The following LRBA variants were observed in gnomAD, a reference collection of about 807,000 sequenced individuals.
LRBA encodes LPS responsive beige-like anchor protein.
Under a neutral mutation model 330.0 loss-of-function variants are expected in LRBA, and 176 were observed. The observed-to-expected ratio is 0.53, with a 90% CI of 0.47 to 0.60. The LOEUF is 0.60. Among genes scored for constraint, LRBA ranks in the 20% least tolerant of loss-of-function variants. LRBA has a pLI of 0.00. For synonymous variants in LRBA, 1,230 were observed against 1,193.0 expected, an observed-to-expected ratio of 1.03 and a Z score of -0.64; for missense variants, 3,259 against 3,444.8, an observed-to-expected ratio of 0.95 and a Z score of 1.35.
intron 2 of LRBA, among the ~76,000 whole-genome samples, chr4:150,950,529 T>C (rs1295638560): frequency 6.6e-6 from 1 of 151,874 alleles, no homozygotes; most frequent in Non-Finnish European, 1.5e-5. Flanking sequence ...AACACCAAAA[T>C]TTAGGGTACA....
rs1734165953 is a variant in LRBA, at chr4:150,928,937, T to G, written c.345A>C (p.Thr115=). 5.6e-6 allele frequency: 9 copies of G among 1,613,982 alleles called. No homozygotes were observed. Among genetic ancestry groups the G allele is most frequent in the Non-Finnish European group, 7.6e-6 (9 of 1,180,002 alleles). ...TCQAEVWSMF[T]AILKKSIRNL... is the part of the protein sequence containing the mutation. ...TCCGTATGCTTTTCTTCAGAATGGC[T>G]GTAAACATGCTCCAGACTTCTGCTT... Residue 115 remains threonine (T), a synonymous_variant, in exon 3 of 57, where the codon ACA becomes ACC. Transcript: ENST00000651943.
intron 37 of LRBA, among the ~76,000 whole-genome samples, chr4:150,640,098 C>T (rs1365881375): frequency 6.6e-6 from 1 of 151,482 alleles, no homozygotes; most frequent in African/African-American, 2.4e-5. Flanking sequence ...CCTAGGCAAT[C>T]GACCCGCCTT....
chr4:150,394,935 A>T (rs969616774), intron 47 of LRBA, among the ~76,000 whole-genome samples: 12 of 152,300 alleles, frequency 7.9e-5, no homozygotes, highest in African/African-American at 2.9e-4. Flanking sequence ...GCAGGAGCAT[A>T]ACACAATTGT....
chr4:150,923,956 T>G lies in LRBA; in HGVS notation c.550-2663A>C, dbSNP rs369505230. On this transcript the variant is annotated intron_variant, in intron 4 of 56. Coordinates refer to ENST00000651943, the MANE Select transcript of LRBA (RefSeq NM_001364905.1). Reference sequence around the variant, plus strand: ...ACAAGAAATTTTCAATTAACCATACTGCTCAATTGTAAAAGCATAATAACA... The same window carrying G: ...ACAAGAAATTTTCAATTAACCATACGGCTCAATTGTAAAAGCATAATAACA... 2.6e-5 allele frequency among the ~76,000 whole-genome samples: 4 copies of G among 152,212 alleles called. 1 individual carries two copies. The highest frequency in any genetic ancestry group is 3.8e-4 in the East Asian group (2 of 5,200).
chr4:150,419,630 T>C (rs2151959798), intron 46 of LRBA, among the ~76,000 whole-genome samples: 1 of 138,644 alleles, frequency 7.2e-6, no homozygotes, highest in African/African-American at 2.6e-5. Context: ...TCACTGATAA[T>C]ATCTTTTTTT....
chr4:150,632,434 C>T (rs1259052856), intron 37 of LRBA, among the ~76,000 whole-genome samples: 1 of 152,116 alleles, frequency 6.6e-6, no homozygotes, highest in Admixed American at 6.5e-5. Flanking sequence ...AAGAGCCTTG[C>T]TCAGAGTAGG....
At chr4:150,276,033 T>C (rs940210884) in intron 56 of LRBA, among the ~76,000 whole-genome samples, 4 of 152,136 alleles carry the variant, frequency 2.6e-5, no homozygotes, top group Non-Finnish European at 5.9e-5. Context: ...CTTCAAACTA[T>C]ACTACAAGGC....
intron 47 of LRBA, among the ~76,000 whole-genome samples, chr4:150,385,969 C>T (rs17504359): frequency 1.3e-5 from 2 of 151,976 alleles, no homozygotes; most frequent in South Asian, 4.2e-4. Flanking sequence ...GACTCGGCCT[C>T]GTCTAGATAC....
At position 150,871,865 on chromosome 4, in the gene LRBA, T is replaced by C. The variant is rs535937265; in HGVS notation, c.2259-412A>G. On this transcript the variant is annotated intron_variant, in intron 18 of 56. Coordinates refer to ENST00000651943, the MANE Select transcript of LRBA (RefSeq NM_001364905.1). The stretch of plus-strand genomic sequence containing the variant: ...TGGAGAAAAAGTAGAAGAAATGTAA[T>C]ATAATTTTTTAAAATAAATACTATG... 1.7e-4 allele frequency among the ~76,000 whole-genome samples: 26 copies of C among 152,290 alleles called. No individual in the cohort carries two copies. In the South Asian group the frequency reaches 5.4e-3, roughly 32 times the overall value.
chr4:150,651,681 A>T (rs1779721240), intron 37 of LRBA, among the ~76,000 whole-genome samples: 1 of 152,228 alleles, frequency 6.6e-6, no homozygotes, highest in African/African-American at 2.4e-5. Context: ...ATGAATGAAT[A>T]AATACAAGAA....
chr4:150,902,965 T>C (rs570345926), intron 13 of LRBA, among the ~76,000 whole-genome samples: 1 of 152,258 alleles, frequency 6.6e-6, no homozygotes, highest in East Asian at 1.9e-4. Context: ...ATTTTTAAGC[T>C]AGAAAATCTA....
chr4:150,406,081 C>T (rs576359512), intron 47 of LRBA, among the ~76,000 whole-genome samples: 78 of 151,646 alleles, frequency 5.1e-4, no homozygotes, highest in African/African-American at 1.7e-3. Flanking sequence ...ATTGTAGTCT[C>T]TATAAATACG....
rs769642175 is a variant in LRBA, at chr4:150,851,884, C to T, written c.3825+1G>A. On this transcript the variant is annotated splice_donor_variant, in intron 23 of 56. Transcript: ENST00000651943. LOFTEE classifies it high-confidence loss of function. ...TTGAATAAGACAATATATAAAATCA[C>T]CTCAAGCACATGTCGATGAGGTTGA... 1 of 1,603,762 alleles carries T rather than the reference C, an allele frequency of 6.2e-7. No homozygotes were observed. The highest frequency in any genetic ancestry group is 1.1e-5 in the South Asian group (1 of 89,388).
chr4:150,565,956 A>C (rs1418731244), intron 40 of LRBA, among the ~76,000 whole-genome samples: 2 of 151,952 alleles, frequency 1.3e-5, no homozygotes, highest in Non-Finnish European at 2.9e-5. Context: ...GGCCAAGCCC[A>C]GTGGCTCACA....
intron 56 of LRBA, among the ~76,000 whole-genome samples, chr4:150,274,376 C>T (rs1361962241): frequency 6.6e-6 from 1 of 152,088 alleles, no homozygotes; most frequent in Non-Finnish European, 1.5e-5. Flanking sequence ...AAAATCAACA[C>T]CCTAACATCA....
At chr4:150,706,452 ATAAAT>A (rs1561536086) in intron 36 of LRBA, among the ~76,000 whole-genome samples, 1 of 151,808 alleles carries the variant, frequency 6.6e-6, no homozygotes, top group Non-Finnish European at 1.5e-5. Context: ...TAAATTCCAA[ATAAAT>A]TAAATATTTA....
intron 41 of LRBA, among the ~76,000 whole-genome samples, chr4:150,489,451 T>C (rs181399952): frequency 0.029 from 590 of 20,028 alleles, 28 homozygotes; most frequent in African/African-American, 0.047. Context: ...TAATATATTA[T>C]ATATAAGAAT....
At chr4:150,723,488 A>C (rs1023565992) in intron 36 of LRBA, among the ~76,000 whole-genome samples, 1 of 152,138 alleles carries the variant, frequency 6.6e-6, no homozygotes, top group Non-Finnish European at 1.5e-5. Flanking sequence ...CTTGAAGGTA[A>C]GGATCCAGTC....
intron 43 of LRBA, among the ~76,000 whole-genome samples, chr4:150,468,792 T>A (rs1755756389): frequency 6.6e-6 from 1 of 152,052 alleles, no homozygotes; most frequent in South Asian, 2.1e-4. Flanking sequence ...AAAGTAGTTC[T>A]CTGTACATAC....
Sources: allele counts gnomAD v4.1 joint callset (sites outside exome capture counted in the v4.1 genomes callset), GRCh38; gene constraint gnomAD v4.1.1; transcripts MANE v1.5; gene names NCBI Gene and HGNC (gene_info 2026-07-23, HGNC 2026-07-21).